Variants in CDC27 observed in about 807,000 individuals in gnomAD.
The protein encoded by CDC27 is cell division cycle protein 27 homolog.
A neutral mutation model predicts 109.7 loss-of-function variants in CDC27; 27 were observed. The observed-to-expected ratio is 0.25, with a 90% CI of 0.18 to 0.34. The LOEUF (loss-of-function observed/expected upper bound fraction) is 0.34, where lower values mean the gene tolerates loss of function less well. Ranked by LOEUF, CDC27 falls within the 10% of genes least tolerant of loss-of-function variation. CDC27 has a pLI of 1.00. For synonymous variants in CDC27, 266 were observed against 333.9 expected (o/e 0.80, Z 2.22); for missense variants, 579 against 960.2 (o/e 0.60, Z 5.25).
At chr17:47,142,564 G>C (rs2062828697) in intron 10 of CDC27, 128 bp from the exon 11 acceptor site, 1 of 500,136 alleles carries the variant, frequency 2.0e-6, no homozygotes, top group African/African-American at 2.0e-5. Context: ...TTTCAGAAGA[G>C]AGTTTATAAA....
chr17:47,174,997 G>GGAAAA (rs1555558271), intron 2 of CDC27, among the ~76,000 whole-genome samples: 1 of 149,848 alleles, frequency 6.7e-6, no homozygotes. Context: ...GGACAGGAAA[G>GGAAAA]GAAAGGAGAG....
intron 4 of CDC27, among the ~76,000 whole-genome samples, chr17:47,163,605 G>C (rs858678): frequency 0.78 from 117,943 of 152,136 alleles, 45,896 homozygotes; most frequent in East Asian, 0.91. Flanking sequence ...GAACTTCCTT[G>C]TTTACATATA....
At chr17:47,183,420 A>G (rs889654198) in intron 1 of CDC27, among the ~76,000 whole-genome samples, 4 of 152,234 alleles carry the variant, frequency 2.6e-5, no homozygotes, top group African/African-American at 9.6e-5. Context: ...TTTAAAAATA[A>G]AAGTAGTAAA....
intron 4 of CDC27, among the ~76,000 whole-genome samples, chr17:47,162,649 C>T (rs1025315446): frequency 4.1e-4 from 63 of 151,920 alleles, no homozygotes; most frequent in African/African-American, 1.5e-3. Context: ...TAATCTGTTA[C>T]GGGAAAAATA....
chr17:47,136,138 C>A (rs2062580075), intron 14 of CDC27, among the ~76,000 whole-genome samples: 1 of 151,798 alleles, frequency 6.6e-6, no homozygotes, highest in African/African-American at 2.4e-5. Context: ...CGAGACTCTG[C>A]CTCAAAAAAC....
At chr17:47,171,700 A>G (rs2063816335) in intron 3 of CDC27, among the ~76,000 whole-genome samples, 1 of 152,226 alleles carries the variant, frequency 6.6e-6, no homozygotes, top group South Asian at 2.1e-4. Context: ...TTATAACTTA[A>G]GTTTCTCCAG....
In CDC27 at chr17:47,142,430, T is replaced by G; in HGVS notation, c.1177A>C (p.Ser393Arg). Reference sequence around the variant, plus strand: ...GGAAACTTCATTTTTAATTTTTTGCTATTCTCCTGTAAAAGGGAAGAAATT... The same window carrying G: ...GGAAACTTCATTTTTAATTTTTTGCGATTCTCCTGTAAAAGGGAAGAAATT... ...TSDSSTTKEN[S>R]KKLKMKFPPK... Residue 393 changes from serine to arginine, a missense_variant, in exon 11 of 19, where the codon AGC becomes CGC. By Grantham distance (110) the Ser-to-Arg change is moderately radical (BLOSUM62 -1). Transcript: ENST00000066544. 2 of 1,430,066 alleles carry G rather than the reference T, an allele frequency of 1.4e-6. No individual in the cohort carries two copies. The highest frequency in any genetic ancestry group is 1.9e-6 in the Non-Finnish European group (2 of 1,038,300). 88.6% of individuals were successfully genotyped at this position (1,430,066 alleles called of 1,614,324 possible).
intron 2 of CDC27, 102 bp from the exon 3 acceptor site, chr17:47,172,166 G>C (rs2148968640): frequency 1.4e-6 from 1 of 693,092 alleles, no homozygotes; most frequent in African/African-American, 1.9e-5. Context: ...AATTAGGCTT[G>C]CTATTTTAAC....
intron 1 of CDC27, among the ~76,000 whole-genome samples, chr17:47,185,646 T>C (rs1014789521): frequency 2.6e-5 from 4 of 151,960 alleles, no homozygotes; most frequent in African/African-American, 9.7e-5. Context: ...AAGTGATCTG[T>C]CTGCCTCAGC....
At chr17:47,154,843 C>G in intron 7 of CDC27, 57 bp from the exon 8 acceptor site, 1 of 796,720 alleles carries the variant, frequency 1.3e-6, no homozygotes, top group Non-Finnish European at 2.2e-6. Flanking sequence ...TATAAAGCAG[C>G]AGTATACTTA....
intron 13 of CDC27, 96 bp downstream of exon 13, chr17:47,138,643 T>C (rs747418004): frequency 1.9e-5 from 15 of 793,428 alleles, no homozygotes; most frequent in Non-Finnish European, 2.9e-5. Context: ...TAAGCGTGGG[T>C]GACACTAAAT....
At chr17:47,176,891 G>C (rs2064034453) in intron 2 of CDC27, among the ~76,000 whole-genome samples, 1 of 152,048 alleles carries the variant, frequency 6.6e-6, no homozygotes, top group Non-Finnish European at 1.5e-5. Flanking sequence ...CTTTAATACT[G>C]ATCTTAACAC....
chr17:47,142,673 C>T (rs1339071588), intron 10 of CDC27, among the ~76,000 whole-genome samples: 1 of 152,012 alleles, frequency 6.6e-6, no homozygotes, highest in African/African-American at 2.4e-5. Context: ...TTAAGTGTAG[C>T]CCTCTTGTGA....
At chr17:47,154,481 T>C (rs2063239405) in intron 8 of CDC27, among the ~76,000 whole-genome samples, 191 bp downstream of exon 8, 1 of 152,216 alleles carries the variant, frequency 6.6e-6, no homozygotes, top group Non-Finnish European at 1.5e-5. Context: ...GAAGTCTGTC[T>C]CCTACTGTAA....
chr17:47,187,294 T>C (rs1350374209), intron 1 of CDC27, among the ~76,000 whole-genome samples: 1 of 152,166 alleles, frequency 6.6e-6, no homozygotes, highest in Non-Finnish European at 1.5e-5. Context: ...TCCATGCTTT[T>C]ATTTTTTATT....
At chr17:47,175,094 G>GAAGT (rs201793243) in intron 2 of CDC27, among the ~76,000 whole-genome samples, 17 of 94,140 alleles carry the variant, frequency 1.8e-4, no homozygotes, top group South Asian at 1.7e-3. Context: ...AGGAAGGAAG[G>GAAGT]AAGTAAGTTG....
In CDC27 at chr17:47,123,994, AAAATTTTT is replaced by A. The variant is rs774562937; in HGVS notation, c.2161-42_2161-35del. 1.7e-4 allele frequency: 251 copies of A among 1,473,758 alleles called. 2 individuals carry two copies. In the South Asian group the frequency reaches 3.0e-3, roughly 17 times the overall value. The allele number at this position is 1,473,758 out of a possible 1,614,324, so 91.3% of individuals were successfully genotyped here. ...GGCAAAGAAAAACCTTAAAGTAGCA[AAAATTTTT>A]AAAGTTTTGACCAAGCGTTTTTACT... is the stretch of plus-strand genomic sequence containing the variant. On this transcript the variant is annotated intron_variant, in intron 16 of 18. Transcript: ENST00000066544.
intron 9 of CDC27, among the ~76,000 whole-genome samples, chr17:47,146,629 C>T (rs528229881): frequency 2.2e-4 from 33 of 152,082 alleles, no homozygotes; most frequent in Non-Finnish European, 2.9e-4. Flanking sequence ...CAAGATTAGT[C>T]CAGACTAAGG....
rs2148918405 is a variant in CDC27, at chr17:47,157,332, A to G, written c.528T>C (p.Phe176=). ...TGCAAGAGTTGGGCAGACAGTTGCT[A>G]AAGTTCTGTAAAGATGTGAATTTAA... The part of the protein sequence containing the change: ...QTFKFTSLQN[F]SNCLPNSCTT... Residue 176 remains phenylalanine (F), a synonymous_variant, in exon 6 of 19, where the codon TTT becomes TTC. Transcript: ENST00000066544. 4 of 1,613,236 alleles carry G rather than the reference A, an allele frequency of 2.5e-6. No individual in the cohort carries two copies. The highest frequency in any genetic ancestry group is 3.4e-6 in the Non-Finnish European group (4 of 1,179,282).
Sources: allele counts gnomAD v4.1 joint callset (sites outside exome capture counted in the v4.1 genomes callset), GRCh38; gene constraint gnomAD v4.1.1; transcripts MANE v1.5; gene names NCBI Gene and HGNC (gene_info 2026-07-23, HGNC 2026-07-21).